COG5: variants seen among roughly 807,000 people sequenced by gnomAD.
COG5 encodes conserved oligomeric Golgi complex subunit 5.
In COG5, 86 loss-of-function variants were observed where a neutral mutation model predicts 110.4. The observed-to-expected ratio is 0.78, with a 90% CI of 0.65 to 0.93. The LOEUF is 0.93. COG5 is among the 40% of genes least tolerant of loss of function. The pLI is 0.00. For missense variants in COG5, 1,077 were observed against 987.0 expected (o/e 1.09, Z -1.22); for synonymous variants, 360 against 334.6 (o/e 1.08, Z -0.83).
chr7:107,265,253 G>A (rs900133978), intron 14 of COG5, among the ~76,000 whole-genome samples: 33 of 152,086 alleles, frequency 2.2e-4, no homozygotes, highest in African/African-American at 3.4e-4. Flanking sequence ...TTAATCTACC[G>A]ATCTGTGACA....
chr7:107,321,299 T>C (rs749737306), intron 11 of COG5, among the ~76,000 whole-genome samples: 2 of 152,116 alleles, frequency 1.3e-5, no homozygotes, highest in Non-Finnish European at 2.9e-5. Context: ...AAAGCATTTA[T>C]AAGAAAAAAT....
chr7:107,484,438 G>A (rs1797535790), intron 6 of COG5, among the ~76,000 whole-genome samples: 1 of 151,896 alleles, frequency 6.6e-6, no homozygotes, highest in African/African-American at 2.4e-5. Flanking sequence ...CAGGGAAAAG[G>A]AGCTGATTAC....
Position 107,230,669 on chromosome 7 carries a change from A to T in COG5, c.2114T>A (p.Phe705Tyr). The change falls in exon 19 of 22, where the codon TTC (phenylalanine) becomes TAC (tyrosine). Residue 705 changes from phenylalanine (F) to tyrosine (Y), a missense_variant. Coordinates refer to ENST00000297135, the MANE Select transcript of COG5 (RefSeq NM_006348.5). The part of the protein sequence containing the change: ...FAQMELAVGP[F>Y]CRRVSDLGKS... ...TCCTAAATCAGATACTCGTCTACAG[A>T]ATGGACCCACAGCCAACTCCATCTG... is the stretch of plus-strand genomic sequence containing the variant. 1 of 1,612,936 alleles carries T rather than the reference A, an allele frequency of 6.2e-7. No homozygotes were observed. Among genetic ancestry groups the T allele is most frequent in the Non-Finnish European group, 8.5e-7 (1 of 1,178,960 alleles).
At chr7:107,298,460 T>C (rs767160932) in intron 11 of COG5, 114 bp from the exon 12 acceptor site, 4 of 702,436 alleles carry the variant, frequency 5.7e-6, no homozygotes, top group Non-Finnish European at 9.4e-6. Context: ...ACCAAAGACG[T>C]GTTCTAATGA....
At chr7:107,534,383 A>T (rs1801426266) in intron 5 of COG5, among the ~76,000 whole-genome samples, 1 of 151,542 alleles carries the variant, frequency 6.6e-6, no homozygotes, top group African/African-American at 2.4e-5. Flanking sequence ...AATTGGATAG[A>T]GTTAAGACCC....
Position 107,309,997 on chromosome 7 carries a change from T to C in COG5, c.1109-11651A>G, listed in dbSNP as rs1808082039. On this transcript the variant is annotated intron_variant, in intron 11 of 21. Transcript: ENST00000297135. ...GAAAATGTATATTTATGTCACCTCT[T>C]TCTTAGGTAAACAAAAGTGTACTAT... Among the ~76,000 whole-genome samples, 3 of 152,198 alleles carry C rather than the reference T, an allele frequency of 2.0e-5. 1 individual carries two copies. The South Asian group carries it at 6.2e-4, about 32-fold the overall frequency.
At chr7:107,515,430 A>T (rs1203192764) in intron 6 of COG5, among the ~76,000 whole-genome samples, 3 of 152,224 alleles carry the variant, frequency 2.0e-5, no homozygotes, top group African/African-American at 7.2e-5. Context: ...TATACTAACA[A>T]TTCTGTTTTC....
intron 6 of COG5, among the ~76,000 whole-genome samples, chr7:107,432,687 T>C (rs1794105117): frequency 6.6e-6 from 1 of 152,148 alleles, no homozygotes; most frequent in South Asian, 2.1e-4. Context: ...AAAATGGGGA[T>C]TTCTGAAGTC....
intron 7 of COG5, among the ~76,000 whole-genome samples, chr7:107,376,769 A>G (rs1163101454): frequency 6.6e-6 from 1 of 152,018 alleles, no homozygotes; most frequent in African/African-American, 2.4e-5. Context: ...TTCACCATCG[A>G]GATTTTTAGA....
chr7:107,507,955 C>A (rs149128940), intron 6 of COG5, among the ~76,000 whole-genome samples: 4 of 152,180 alleles, frequency 2.6e-5, no homozygotes. Flanking sequence ...GCGTGAGCGA[C>A]GCAGAAGACG....
intron 6 of COG5, among the ~76,000 whole-genome samples, chr7:107,521,120 T>C (rs996124764): frequency 6.6e-6 from 1 of 152,238 alleles, no homozygotes; most frequent in Middle Eastern, 3.2e-3. Flanking sequence ...CACTCCTTCC[T>C]TATACCTTAT....
intron 6 of COG5, among the ~76,000 whole-genome samples, chr7:107,431,992 A>G (rs1794056108): frequency 6.6e-6 from 1 of 152,096 alleles, no homozygotes; most frequent in Non-Finnish European, 1.5e-5. Flanking sequence ...GCAAATACAG[A>G]GCCTAAAGAA....
In COG5 at chr7:107,246,937, C is replaced by A. The variant is rs138355279; in HGVS notation, c.1853+1459G>T. 3.6e-3 allele frequency among the ~76,000 whole-genome samples: 546 copies of A among 152,290 alleles called. 2 individuals are homozygous for A. Among genetic ancestry groups the A allele is most frequent in the African/African-American group, 0.012 (517 of 41,558 alleles). ...ATGCATGTGCATGTTCATCGCAGCA[C>A]TATTCACAATAGCAAAGACATGCAA... On this transcript the variant is annotated intron_variant, in intron 17 of 21. Coordinates refer to ENST00000297135, the MANE Select transcript of COG5 (RefSeq NM_006348.5).
chr7:107,225,753 T>G (rs1584541499), intron 19 of COG5, among the ~76,000 whole-genome samples: 1 of 152,186 alleles, frequency 6.6e-6, no homozygotes, highest in Non-Finnish European at 1.5e-5. Flanking sequence ...TTAAAAATAG[T>G]AGAGGTCGGC....
Position 107,474,344 on chromosome 7 carries a change from G to A in COG5, c.538+52893C>T. On this transcript the variant is annotated intron_variant, in intron 6 of 21. Coordinates refer to ENST00000297135, the MANE Select transcript of COG5 (RefSeq NM_006348.5). The surrounding 1 kb of genome is among the most constrained non-coding windows in gnomAD (Gnocchi z 5.7). ...CTTGATGTAATAATTTGTGTGGGAT[G>A]TATTCCTCTAACTATAGTTATCCTT... The A allele has an allele frequency of 6.2e-7, 1 of 1,612,316 alleles. No homozygotes were observed. Among genetic ancestry groups the A allele is most frequent in the Non-Finnish European group, 8.5e-7 (1 of 1,178,544 alleles).
intron 6 of COG5, among the ~76,000 whole-genome samples, chr7:107,496,566 A>G (rs74854721): frequency 0.015 from 2,229 of 151,782 alleles, 58 homozygotes; most frequent in African/African-American, 0.052. Flanking sequence ...AGGCTGAGGC[A>G]TGAGAACCGC....
chr7:107,308,956 C>T (rs1274263796), intron 11 of COG5, among the ~76,000 whole-genome samples: 2 of 152,002 alleles, frequency 1.3e-5, no homozygotes, highest in African/African-American at 2.4e-5. Flanking sequence ...TTATTCTATA[C>T]ATTTCCTGCC....
At chr7:107,497,669 A>C (rs1798364933) in intron 6 of COG5, among the ~76,000 whole-genome samples, 2 of 152,194 alleles carry the variant, frequency 1.3e-5, no homozygotes, top group South Asian at 4.1e-4. Flanking sequence ...AAATACTTCT[A>C]ATGTTCATAG....
chr7:107,209,990 G>T, intron 21 of COG5: 1 of 991,490 alleles, frequency 1.0e-6, no homozygotes, highest in Non-Finnish European at 1.2e-6. Context: ...GCATGGTTGG[G>T]GTACATGGGG....
Sources: gnomAD v4.1 joint callset for allele counts (sites outside exome capture counted in the v4.1 genomes callset) on GRCh38, gnomAD v4.1.1 for gene constraint, Gnocchi (gnomAD v3.1) non-coding constraint, MANE v1.5 for transcripts, NCBI Gene and HGNC (gene_info 2026-07-23, HGNC 2026-07-21) for gene names.